FAAH2: variants seen among roughly 807,000 people sequenced by gnomAD.
FAAH2 encodes fatty-acid amide hydrolase 2.
A neutral mutation model predicts 36.9 loss-of-function variants in FAAH2; 60 were observed. The observed-to-expected ratio is 1.63, with a 90% CI of 1.32 to 2.02. The LOEUF is 2.02. Ranked by LOEUF, FAAH2 falls within the 30% of genes most tolerant of loss-of-function variation. The probability of loss-of-function intolerance (pLI) is 0.00; values close to 1 mark genes in which losing one functional copy is unlikely to be tolerated. For synonymous variants in FAAH2, 214 were observed against 143.8 expected (o/e 1.49, Z -3.49); for missense variants, 689 against 397.5 (o/e 1.73, Z -6.23).
At chrX:57,138,749 G>A in the FAAH2 span, among the ~76,000 whole-genome samples, 1 of 111,213 alleles carries the variant, frequency 9.0e-6, no homozygotes, top group African/African-American at 3.3e-5. Flanking sequence ...TTTGATAATA[G>A]CCATTTTAAC....
chrX:57,200,763 G>C, the FAAH2 span, among the ~76,000 whole-genome samples: 2 of 111,429 alleles, frequency 1.8e-5, no homozygotes, highest in African/African-American at 3.3e-5. Context: ...TTTTTGATTG[G>C]TTCATCATTT....
chrX:57,214,617 C>T, the FAAH2 span, among the ~76,000 whole-genome samples: 1 of 110,586 alleles, frequency 9.0e-6, no homozygotes, highest in African/African-American at 3.3e-5. Flanking sequence ...TTAGTAGAGA[C>T]GGGATTTCGC....
chrX:57,157,022 G>A, the FAAH2 span, among the ~76,000 whole-genome samples: 1 of 112,261 alleles, frequency 8.9e-6, no homozygotes, highest in Non-Finnish European at 1.9e-5. Context: ...TCGTCAGGGT[G>A]GGTTTAATAA....
intron 2 of FAAH2, among the ~76,000 whole-genome samples, chrX:57,299,272 T>G (rs1343519288): frequency 8.9e-6 from 1 of 112,184 alleles, no homozygotes; most frequent in African/African-American, 3.2e-5. Context: ...CAAGTGGGGT[T>G]CATCCCTGGG....
chrX:57,310,167 C>T lies in FAAH2; in HGVS notation c.276-426C>T, dbSNP rs192341137. On this transcript the variant is annotated intron_variant, in intron 2 of 10. Coordinates refer to ENST00000374900, the MANE Select transcript of FAAH2 (RefSeq NM_174912.4). The stretch of plus-strand genomic sequence containing the variant: ...CTCATTTAGGTTTTTATTTGCATTT[C>T]TCTAATGATCAGTGATGTTGAGCTT... 4.3e-3 allele frequency among the ~76,000 whole-genome samples: 477 copies of T among 111,972 alleles called. 1 individual carries two copies. The highest frequency in any genetic ancestry group is 7.4e-3 in the Non-Finnish European group (396 of 53,191).
intron 10 of FAAH2, among the ~76,000 whole-genome samples, chrX:57,476,528 G>T (rs1292296133): frequency 9.0e-6 from 1 of 111,287 alleles, no homozygotes; most frequent in Non-Finnish European, 1.9e-5. Context: ...GCATCCCAGG[G>T]ATGAAGCCGA....
At chrX:57,488,566 C>T (rs765640440) in intron 10 of FAAH2, among the ~76,000 whole-genome samples, 191 bp from the exon 11 acceptor site, 4 of 111,563 alleles carry the variant, frequency 3.6e-5, no homozygotes, top group African/African-American at 1.3e-4. Flanking sequence ...TAATTAATAG[C>T]TTCTATATTA....
the FAAH2 span, among the ~76,000 whole-genome samples, chrX:57,162,350 C>T: frequency 9.0e-6 from 1 of 111,132 alleles, no homozygotes; most frequent in East Asian, 2.8e-4. Context: ...TGGAGTTGCT[C>T]TTCTCGAGGA....
intron 10 of FAAH2, among the ~76,000 whole-genome samples, chrX:57,462,021 C>T (rs182349458): frequency 9.1e-6 from 1 of 109,945 alleles, no homozygotes; most frequent in East Asian, 2.9e-4. Context: ...CTATAAACAC[C>T]TCTATGCAAA....
At chrX:57,224,876 G>A in the FAAH2 span, among the ~76,000 whole-genome samples, 1 of 111,975 alleles carries the variant, frequency 8.9e-6, no homozygotes, top group Non-Finnish European at 1.9e-5. Flanking sequence ...TAGGAGGGTT[G>A]TGTTTTTCCA....
At chrX:57,274,284 A>G in the FAAH2 span, among the ~76,000 whole-genome samples, 1 of 112,032 alleles carries the variant, frequency 8.9e-6, no homozygotes, top group East Asian at 2.8e-4. Context: ...TACTAACCAA[A>G]AAAGTCCAGG....
intron 3 of FAAH2, among the ~76,000 whole-genome samples, chrX:57,326,308 A>G (rs1392355094): frequency 8.9e-6 from 1 of 112,732 alleles, no homozygotes; most frequent in Non-Finnish European, 1.9e-5. Flanking sequence ...AGAAGAATGT[A>G]TATTCTGTTG....
the FAAH2 span, chrX:57,135,632 G>A: frequency 1.0e-6 from 1 of 970,781 alleles, no homozygotes; most frequent in Non-Finnish European, 1.4e-6. Context: ...ACAAGACAAA[G>A]GGCTTACAGA....
chrX:57,244,694 C>T, the FAAH2 span, among the ~76,000 whole-genome samples: 2 of 111,642 alleles, frequency 1.8e-5, no homozygotes, highest in East Asian at 5.6e-4. Context: ...GATTTTCTCA[C>T]CACCAGGCCT....
the FAAH2 span, chrX:57,137,661 G>A: frequency 9.0e-6 from 1 of 111,425 alleles, no homozygotes; most frequent in African/African-American, 3.3e-5. Context: ...AGTGGAACCT[G>A]TAGGTGGCCT....
the FAAH2 span, among the ~76,000 whole-genome samples, chrX:57,138,342 A>C: frequency 9.0e-5 from 10 of 111,369 alleles, 1 homozygote; most frequent in South Asian, 3.8e-3. Context: ...GTGTACAATA[A>C]AAACAATATG....
intron 7 of FAAH2, among the ~76,000 whole-genome samples, chrX:57,386,059 A>C (rs1421788490): frequency 8.9e-6 from 1 of 112,020 alleles, no homozygotes; most frequent in Admixed American, 9.5e-5. Context: ...GTAATGCTTA[A>C]TGAGGATAAA....
At chrX:57,378,899 G>A (rs1057378792) in intron 6 of FAAH2, 113 bp downstream of exon 6, 2 of 900,223 alleles carry the variant, frequency 2.2e-6, no homozygotes, top group Non-Finnish European at 3.1e-6. Context: ...ATTTTTACAG[G>A]TTTTTATGAG....
the FAAH2 span, among the ~76,000 whole-genome samples, chrX:57,173,735 A>G: frequency 8.9e-6 from 1 of 111,758 alleles, no homozygotes; most frequent in Non-Finnish European, 1.9e-5. Context: ...ATTTTGAGGT[A>G]TATTTCTTAT....
Sources: allele counts gnomAD v4.1 joint callset (sites outside exome capture counted in the v4.1 genomes callset), GRCh38; gene constraint gnomAD v4.1.1; transcripts MANE v1.5; gene names NCBI Gene and HGNC (gene_info 2026-07-23, HGNC 2026-07-21).